Variants in PGM2L1 observed in about 807,000 individuals in gnomAD.
The protein encoded by PGM2L1 is glucose 1,6-bisphosphate synthase.
In PGM2L1, 35 loss-of-function variants were observed where a neutral mutation model predicts 73.4. The ratio of observed to expected loss-of-function variants is 0.48; its 90% CI spans 0.36 to 0.63. The LOEUF is 0.63. Among genes scored for constraint, PGM2L1 ranks in the 30% least tolerant of loss-of-function variants. The pLI, the probability that PGM2L1 is intolerant of heterozygous loss-of-function variation, is 0.00. For synonymous variants in PGM2L1, 225 were observed against 253.8 expected (o/e 0.89, Z 1.08); for missense variants, 570 against 742.0 (o/e 0.77, Z 2.69).
intron 2 of PGM2L1, among the ~76,000 whole-genome samples, chr11:74,373,074 T>C (rs1480302367): frequency 2.0e-5 from 3 of 152,040 alleles, no homozygotes; most frequent in Admixed American, 1.3e-4. Context: ...CCTAATAGAG[T>C]GAAAAGGGCT....
intron 5 of PGM2L1, among the ~76,000 whole-genome samples, chr11:74,352,543 T>C (rs1320282905): frequency 6.6e-6 from 1 of 152,220 alleles, no homozygotes; most frequent in East Asian, 1.9e-4. Context: ...AGAATATCTA[T>C]GGTGACTTCT....
intron 5 of PGM2L1, among the ~76,000 whole-genome samples, chr11:74,358,973 T>A (rs934492926): frequency 2.6e-5 from 4 of 152,156 alleles, no homozygotes; most frequent in Non-Finnish European, 5.9e-5. Flanking sequence ...AAAAGAAGTA[T>A]GTGCACCACA....
At chr11:74,355,382 G>T (rs111525587) in intron 5 of PGM2L1, 1 of 600,916 alleles carries the variant, frequency 1.7e-6, no homozygotes, top group Non-Finnish European at 3.0e-6. Flanking sequence ...GACAAACCCC[G>T]TCTCTACTAA....
At chr11:74,391,113 T>G (rs1863095816) in intron 1 of PGM2L1, among the ~76,000 whole-genome samples, 1 of 152,172 alleles carries the variant, frequency 6.6e-6, no homozygotes, top group African/African-American at 2.4e-5. Flanking sequence ...CTTAACTTAC[T>G]CAGCTTTGTC....
At position 74,342,982 on chromosome 11, in the gene PGM2L1, C is replaced by T. The variant is rs1862205787; in HGVS notation, c.1345G>A (p.Asp449Asn). The T allele has an allele frequency of 1.2e-6, 2 of 1,607,570 alleles. No individual in the cohort carries two copies. Among genetic ancestry groups the T allele is most frequent in the African/African-American group, 2.7e-5 (2 of 74,606 alleles). The change falls in exon 11 of 14, where the codon GAT (aspartate) becomes AAT (asparagine). Residue 449 changes from aspartate (D) to asparagine (N), a missense_variant. Physicochemically the swap from Asp to Asn is conservative, Grantham distance 23. Coordinates refer to ENST00000298198, the MANE Select transcript of PGM2L1 (RefSeq NM_173582.6). ...ACCACAACAGCTGCACTCACCCCAT[C>T]TTTATCCAAAACTGAAGTTCCACAG... ...FLCGTSVLDK[D>N]GVSAAVVVAE...
chr11:74,342,576 C>T lies in PGM2L1; in HGVS notation c.1517G>A (p.Arg506Lys), dbSNP rs754295592. The change falls in exon 12 of 14, where the codon AGG (arginine) becomes AAG (lysine). Residue 506 changes from arginine (R) to lysine (K), a missense_variant. Arg to Lys is a conservative substitution (Grantham distance 26, BLOSUM62 2). Transcript: ENST00000298198. ...EPPTIKSIFE[R>K]LRNFDSPKEY... is the part of the protein sequence containing the mutation. ...TTTTGGAGAATCAAAATTACGAAGC[C>T]TTTCAAATATACTTTTGATGGTAGG... The T allele has an allele frequency of 1.2e-6, 2 of 1,606,744 alleles. No homozygotes were observed. Among genetic ancestry groups the T allele is most frequent in the Non-Finnish European group, 1.7e-6 (2 of 1,175,500 alleles).
At chr11:74,384,845 C>T (rs1011026599) in intron 1 of PGM2L1, among the ~76,000 whole-genome samples, 2 of 152,064 alleles carry the variant, frequency 1.3e-5, no homozygotes, top group African/African-American at 2.4e-5. Context: ...GGACTTCTAA[C>T]CTAAAGTAAG....
intron 5 of PGM2L1, 21 bp downstream of exon 5, chr11:74,368,471 G>T: frequency 1.3e-6 from 2 of 1,578,742 alleles, no homozygotes; most frequent in Non-Finnish European, 1.7e-6. Context: ...GATAAGCAAA[G>T]GTCAGGAGTC....
chr11:74,398,360 C>G lies in PGM2L1; in HGVS notation c.-199G>C, dbSNP rs1863216244. On this transcript the variant is annotated 5_prime_UTR_variant, in exon 1 of 14. Coordinates refer to ENST00000298198, the MANE Select transcript of PGM2L1 (RefSeq NM_173582.6). ...GAGGGGGTTTATGGCCGCCTGCTCC[C>G]CAGCGGACCAGGTCCGGGTCTCTGG... is the stretch of plus-strand genomic sequence containing the variant. The G allele has an allele frequency of 5.3e-6, 4 of 752,612 alleles. No individual in the cohort carries two copies. The highest frequency in any genetic ancestry group is 3.6e-5 in the Admixed American group (1 of 27,590). The allele number at this position is 752,612 out of a possible 1,614,324, so 46.6% of individuals were successfully genotyped here. A position where few individuals can be genotyped will look rare whatever the true frequency, so the allele number is the denominator to read the frequency against.
Position 74,354,690 on chromosome 11 carries a change from T to G in PGM2L1, c.556-3114A>C, listed in dbSNP as rs1426367276. The G allele has an allele frequency of 2.7e-6, 3 of 1,101,240 alleles. No homozygotes were observed. The East Asian group carries it at 7.0e-5, about 26-fold the overall frequency. 68.2% of individuals were successfully genotyped at this position (1,101,240 alleles called of 1,614,324 possible). On this transcript the variant is annotated intron_variant, in intron 5 of 13. Coordinates refer to ENST00000298198, the MANE Select transcript of PGM2L1 (RefSeq NM_173582.6). Reference sequence around the variant, plus strand: ...GGCCACACAAGGTGGATGGAAGAGTTGTGGAACCAAAGAGAGCTGTTTCAA... The same window carrying G: ...GGCCACACAAGGTGGATGGAAGAGTGGTGGAACCAAAGAGAGCTGTTTCAA...
In PGM2L1 at chr11:74,332,578, G is replaced by C. The variant is rs963070262; in HGVS notation, c.*4074C>G. ...GTGCCTAGGAAAAGTGGGAGGTAGA[G>C]AGAAAAAGGCATAAAATTAAATGTA... On this transcript the variant is annotated 3_prime_UTR_variant, in exon 14 of 14. Coordinates refer to ENST00000298198, the MANE Select transcript of PGM2L1 (RefSeq NM_173582.6). 6.6e-6 allele frequency: 1 copy of C among 152,560 alleles called. No individual in the cohort carries two copies. Among genetic ancestry groups the C allele is most frequent in the African/African-American group, 2.4e-5 (1 of 41,432 alleles). 9.5% of individuals were successfully genotyped at this position (152,560 alleles called of 1,614,324 possible).
intron 10 of PGM2L1, 151 bp from the exon 11 acceptor site, chr11:74,343,165 C>CTT: frequency 1.0e-5 from 12 of 1,179,376 alleles, no homozygotes; most frequent in Non-Finnish European, 1.2e-5. Context: ...CACTTTCGTT[C>CTT]TTTTTTTTTT....
At chr11:74,390,584 T>G (rs1022753770) in intron 1 of PGM2L1, among the ~76,000 whole-genome samples, 10 of 152,134 alleles carry the variant, frequency 6.6e-5, no homozygotes, top group African/African-American at 2.4e-4. Context: ...TAAACACTTG[T>G]CTCCCCTCCC....
At chr11:74,396,570 G>A (rs956379774) in intron 1 of PGM2L1, among the ~76,000 whole-genome samples, 2 of 151,952 alleles carry the variant, frequency 1.3e-5, no homozygotes, top group African/African-American at 2.4e-5. Flanking sequence ...GCCCGCCACC[G>A]CGCCCGGCTA....
chr11:74,384,881 A>G (rs1006655219), intron 1 of PGM2L1, among the ~76,000 whole-genome samples: 1 of 152,174 alleles, frequency 6.6e-6, no homozygotes, highest in Non-Finnish European at 1.5e-5. Context: ...TCCACCCGCA[A>G]TAGGGCCTAG....
chr11:74,382,875 T>C (rs554822506), intron 1 of PGM2L1, among the ~76,000 whole-genome samples: 79 of 152,238 alleles, frequency 5.2e-4, no homozygotes, highest in African/African-American at 1.7e-3. Flanking sequence ...ACCTTTCAAT[T>C]GAGGAGTACC....
At chr11:74,348,927 GCA>G (rs1217135822) in intron 6 of PGM2L1, among the ~76,000 whole-genome samples, 38 of 152,312 alleles carry the variant, frequency 2.5e-4, no homozygotes, top group African/African-American at 8.9e-4. Flanking sequence ...ACAGGTGGAA[GCA>G]CACAATTTCT....
In PGM2L1 at chr11:74,335,457, AAAAG is replaced by A. The variant is rs1156368604; in HGVS notation, c.*1191_*1194del. 12 of 152,218 alleles carry A rather than the reference AAAAG, an allele frequency of 7.9e-5. No homozygotes were observed. Among genetic ancestry groups the A allele is most frequent in the African/African-American group, 2.7e-4 (11 of 41,462 alleles). 9.4% of individuals were successfully genotyped at this position (152,218 alleles called of 1,614,324 possible). On this transcript the variant is annotated 3_prime_UTR_variant, in exon 14 of 14. Transcript: ENST00000298198. ...TTTGTAAAAAATTATTTTCTACACTAAAAGAAGATAAATAATAGTCATGCAATCA... is the reference window on the plus strand; with the variant it reads ...TTTGTAAAAAATTATTTTCTACACTAAAGATAAATAATAGTCATGCAATCA...
intron 1 of PGM2L1, among the ~76,000 whole-genome samples, chr11:74,390,012 G>A (rs1448575641): frequency 1.4e-5 from 2 of 141,992 alleles, no homozygotes; most frequent in African/African-American, 2.6e-5. Flanking sequence ...CCAGCTACTC[G>A]GGAGGCTGAG....
Sources: gnomAD v4.1 joint callset for allele counts (sites outside exome capture counted in the v4.1 genomes callset) on GRCh38, gnomAD v4.1.1 for gene constraint, MANE v1.5 for transcripts, NCBI Gene and HGNC (gene_info 2026-07-23, HGNC 2026-07-21) for gene names.